MBD5: variants seen among roughly 807,000 people sequenced by gnomAD.
MBD5 encodes the protein methyl-CpG binding domain protein 5, also known as methyl-CpG-binding domain protein 5.
In MBD5, 13 loss-of-function variants were observed where a neutral mutation model predicts 117.3. That is an observed-to-expected ratio of 0.11 (90% confidence interval 0.07 to 0.18). The LOEUF is 0.18. Among genes scored for constraint, MBD5 ranks in the 10% least tolerant of loss-of-function variants. The pLI is 1.00. For synonymous variants in MBD5, 727 were observed against 766.4 expected, an observed-to-expected ratio of 0.95 and a Z score of 0.85; for missense variants, 1,879 against 2,093.8, an observed-to-expected ratio of 0.90 and a Z score of 2.00.
chr2:148,384,782 G>A (rs983447143), intron 4 of MBD5, among the ~76,000 whole-genome samples: 2 of 152,046 alleles, frequency 1.3e-5, no homozygotes, highest in East Asian at 1.9e-4. Context: ...CAATGGAACA[G>A]AACAGAGCCC....
At chr2:148,143,980 G>T (rs941945269) in intron 1 of MBD5, among the ~76,000 whole-genome samples, 7 of 152,112 alleles carry the variant, frequency 4.6e-5, no homozygotes, top group Admixed American at 2.6e-4. Flanking sequence ...TAATGGGATG[G>T]CTGGGTCAAA....
At chr2:148,475,497 T>C (rs1680935309) in intron 8 of MBD5, among the ~76,000 whole-genome samples, 1 of 152,160 alleles carries the variant, frequency 6.6e-6, no homozygotes, top group African/African-American at 2.4e-5. Context: ...GCTGTAGACG[T>C]TGAGTCTATG....
At chr2:148,215,208 C>A (rs1699522245) in intron 2 of MBD5, among the ~76,000 whole-genome samples, 1 of 152,098 alleles carries the variant, frequency 6.6e-6, no homozygotes, top group Non-Finnish European at 1.5e-5. Context: ...TCTTTCTTAC[C>A]ACTACTCTGT....
In MBD5 at chr2:148,284,104, C is replaced by CT. The variant is rs1160899447; in HGVS notation, c.-680+50711dup. Reference sequence around the variant, plus strand: ...AGCATACTATATATACTATTTTGCCCTTGCTTTTTTTACTGAACAATTTAT... The same window carrying CT: ...AGCATACTATATATACTATTTTGCCCTTTGCTTTTTTTACTGAACAATTTAT... On this transcript the variant is annotated intron_variant, in intron 3 of 13. Transcript: ENST00000642680. 2.6e-5 allele frequency among the ~76,000 whole-genome samples: 4 copies of CT among 152,218 alleles called. No individual in the cohort carries two copies. In the East Asian group the frequency reaches 7.7e-4, roughly 29 times the overall value.
chr2:148,190,825 A>G (rs1202545978), intron 2 of MBD5, among the ~76,000 whole-genome samples: 1 of 60,996 alleles, frequency 1.6e-5, no homozygotes, highest in Non-Finnish European at 3.3e-5. Flanking sequence ...TTGGATAAAG[A>G]GTCAAGACCC....
intron 4 of MBD5, among the ~76,000 whole-genome samples, chr2:148,347,880 C>T (rs1304883774): frequency 6.6e-6 from 1 of 151,874 alleles, no homozygotes; most frequent in Non-Finnish European, 1.5e-5. Flanking sequence ...TAATGCAGCT[C>T]TTGCCTACCC....
intron 3 of MBD5, among the ~76,000 whole-genome samples, chr2:148,245,210 C>A (rs1700308197): frequency 6.6e-6 from 1 of 152,072 alleles, no homozygotes; most frequent in Non-Finnish European, 1.5e-5. Context: ...CATAGTGAGA[C>A]CCTGTCTCTA....
intron 3 of MBD5, among the ~76,000 whole-genome samples, chr2:148,300,130 C>T (rs1251450153): frequency 6.6e-6 from 1 of 152,118 alleles, no homozygotes; most frequent in Non-Finnish European, 1.5e-5. Context: ...TCTCAGCTCA[C>T]TGTAACCTCC....
intron 1 of MBD5, among the ~76,000 whole-genome samples, chr2:148,042,847 TCTGGTAG>T (rs1299833399): frequency 2.0e-5 from 3 of 152,280 alleles, no homozygotes; most frequent in Admixed American, 2.0e-4. Context: ...AAGGGATCGA[TCTGGTAG>T]CTAGTCAGGT....
intron 1 of MBD5, chr2:148,027,095 TTGA>T (rs1314268480): frequency 1.5e-4 from 23 of 152,302 alleles, no homozygotes; most frequent in African/African-American, 5.5e-4. Context: ...TATAAATGTG[TTGA>T]TGGTGTAAAA....
intron 3 of MBD5, among the ~76,000 whole-genome samples, chr2:148,279,916 T>A (rs1276010351): frequency 6.6e-6 from 1 of 152,052 alleles, no homozygotes; most frequent in Non-Finnish European, 1.5e-5. Context: ...CCCAAGTAGC[T>A]GGGACTAGAG....
At chr2:148,500,660 G>T (rs1681844719) in intron 11 of MBD5, among the ~76,000 whole-genome samples, 1 of 152,110 alleles carries the variant, frequency 6.6e-6, no homozygotes. Flanking sequence ...GTTTCACTGT[G>T]ACTCTGATTC....
At chr2:148,063,903 A>G (rs1384466772) in intron 1 of MBD5, among the ~76,000 whole-genome samples, 5 of 151,948 alleles carry the variant, frequency 3.3e-5, no homozygotes, top group Non-Finnish European at 7.4e-5. Context: ...ACGTGCCTAT[A>G]TTGAGTCCAT....
chr2:148,052,981 A>AG lies in MBD5; in HGVS notation c.-925+31297_-925+31298insG, dbSNP rs931054828. ...TCGTCTCAAAAAAAAAAAAAAAAAA[A>AG]AGAGAGAGACAATGTGTATTCTACT... is the stretch of plus-strand genomic sequence containing the variant. On this transcript the variant is annotated intron_variant, in intron 1 of 13. Coordinates refer to ENST00000642680, the MANE Select transcript of MBD5 (RefSeq NM_001378120.1). 8.6e-5 allele frequency among the ~76,000 whole-genome samples: 7 copies of AG among 81,328 alleles called. No individual in the cohort carries two copies. In the East Asian group the frequency reaches 1.4e-3, roughly 16 times the overall value. The allele number at this position is 81,328 out of a possible 152,430, so 53.4% of individuals were successfully genotyped here. A position where few individuals can be genotyped will look rare whatever the true frequency, so the allele number is the denominator to read the frequency against.
chr2:148,370,322 C>T (rs1239986447), intron 4 of MBD5, among the ~76,000 whole-genome samples: 2 of 151,920 alleles, frequency 1.3e-5, no homozygotes, highest in African/African-American at 4.8e-5. Flanking sequence ...TAAATTCTGC[C>T]TTCATTGTAC....
rs1386609853 is a variant in MBD5 at position 148,485,927 on chromosome 2, G to A, written c.3730G>A (p.Ala1244Thr). The change falls in exon 10 of 14, where the codon GCT becomes ACT. Residue 1244 changes from alanine to threonine, a missense_variant. Physicochemically the swap from Ala to Thr is moderately conservative, Grantham distance 58. Around this residue, in one of 4 missense-constraint regions of MBD5, gnomAD observed 1,666 missense variants for 1,792.2 expected, o/e 0.93. Coordinates refer to ENST00000642680, the MANE Select transcript of MBD5 (RefSeq NM_001378120.1). ...IPCPANNNPM[A>T]CLFQNFQVRM... Reference sequence around the variant, plus strand: ...TTGCCCAGCTAACAATAACCCCATGGCTTGTCTGTTTCAGAACTTTCAGGT... The same window carrying A: ...TTGCCCAGCTAACAATAACCCCATGACTTGTCTGTTTCAGAACTTTCAGGT... 5 of 1,614,022 alleles carry A rather than the reference G, an allele frequency of 3.1e-6. No individual in the cohort carries two copies. The highest frequency in any genetic ancestry group is 4.2e-6 in the Non-Finnish European group (5 of 1,179,948).
At chr2:148,434,652 C>T (rs187024676) in intron 4 of MBD5, among the ~76,000 whole-genome samples, 10 of 152,038 alleles carry the variant, frequency 6.6e-5, no homozygotes, top group Admixed American at 3.3e-4. Context: ...TTTGCATTTG[C>T]GAAGGATTGT....
At chr2:148,147,052 CT>C (rs535925210) in intron 1 of MBD5, among the ~76,000 whole-genome samples, 51 of 152,000 alleles carry the variant, frequency 3.4e-4, no homozygotes, top group African/African-American at 1.2e-3. Flanking sequence ...GGCATAGTTT[CT>C]TTTAGTTCTT....
intron 3 of MBD5, among the ~76,000 whole-genome samples, chr2:148,261,897 T>C (rs905222863): frequency 1.3e-5 from 2 of 152,194 alleles, no homozygotes; most frequent in Admixed American, 6.6e-5. Context: ...ATTTGAATAT[T>C]GTTGTGTCTT....
Sources: allele counts gnomAD v4.1 joint callset (sites outside exome capture counted in the v4.1 genomes callset), GRCh38; gene constraint gnomAD v4.1.1; regional missense constraint gnomAD v4.1.1; transcripts MANE v1.5; gene names NCBI Gene and HGNC (gene_info 2026-07-23, HGNC 2026-07-21).